EIF4E1B: variants seen among roughly 807,000 people sequenced by gnomAD.
The protein encoded by EIF4E1B is eukaryotic translation initiation factor 4E family member 1B, also known as eukaryotic translation initiation factor 4E type 1B.
Under a neutral mutation model 31.3 loss-of-function variants are expected in EIF4E1B, and 22 were observed. That is an observed-to-expected ratio of 0.70 (90% CI 0.50 to 1.00). The LOEUF (loss-of-function observed/expected upper bound fraction) is 1.00, where lower values mean the gene tolerates loss of function less well. EIF4E1B is among the 50% of genes least tolerant of loss of function. The probability of loss-of-function intolerance (pLI) is 0.00; values close to 1 mark genes in which losing one functional copy is unlikely to be tolerated. For missense variants in EIF4E1B, 290 were observed against 311.6 expected, an observed-to-expected ratio of 0.93 and a Z score of 0.52; for synonymous variants, 126 against 120.2, an observed-to-expected ratio of 1.05 and a Z score of -0.31.
rs756296646 is a variant in EIF4E1B, at chr5:176,642,851, T to TC, written c.15+63dup. Reference sequence around the variant, plus strand: ...CCCAGTGCACCATGGCCCCGCCCTCTCCCCCCCCCCCCCCGCCCCAGGTGG... The same window carrying TC: ...CCCAGTGCACCATGGCCCCGCCCTCTCCCCCCCCCCCCCCCGCCCCAGGTGG... On this transcript the variant is annotated intron_variant, in intron 3 of 8. Coordinates refer to ENST00000318682, the MANE Select transcript of EIF4E1B (RefSeq NM_001099408.2). 7.8e-4 allele frequency: 780 copies of TC among 999,752 alleles called. 12 individuals are homozygous for TC. The highest frequency in any genetic ancestry group is 5.3e-3 in the South Asian group (251 of 47,752). 61.9% of individuals were successfully genotyped at this position (999,752 alleles called of 1,614,324 possible). A position where few individuals can be genotyped will look rare whatever the true frequency, so the allele number is the denominator to read the frequency against.
Position 176,640,179 on chromosome 5 carries a change from G to A in EIF4E1B, c.-201-1864G>A, listed in dbSNP as rs1435253665. Among the ~76,000 whole-genome samples the A allele has an allele frequency of 2.0e-5, 3 of 152,282 alleles. No individual in the cohort carries two copies. In the East Asian group the frequency reaches 5.8e-4, roughly 29 times the overall value. On this transcript the variant is annotated intron_variant, in intron 1 of 8. Coordinates refer to ENST00000318682, the MANE Select transcript of EIF4E1B (RefSeq NM_001099408.2). The stretch of plus-strand genomic sequence containing the variant: ...CTTGCTCTGGGAACCCAGCCACCAC[G>A]CCGGGAAGAAGCCAAGCAGCCACAT...
intron 1 of EIF4E1B, among the ~76,000 whole-genome samples, chr5:176,641,297 C>T (rs1165597124): frequency 2.0e-5 from 3 of 152,122 alleles, no homozygotes; most frequent in African/African-American, 2.4e-5. Context: ...CACTGCACTC[C>T]CGCCTGGGCA....
At chr5:176,639,320 G>A (rs918892516) in intron 1 of EIF4E1B, among the ~76,000 whole-genome samples, 1 of 152,178 alleles carries the variant, frequency 6.6e-6, no homozygotes, top group Admixed American at 6.5e-5. Flanking sequence ...TGGTAGGGCT[G>A]GGATTTAAGA....
chr5:176,642,751 C>T lies in EIF4E1B; in HGVS notation c.-37C>T. On this transcript the variant is annotated 5_prime_UTR_variant, in exon 3 of 9. Transcript: ENST00000318682. ...TGTGGGGCTTGGTCACAGCTGCTTCCCCAGCCCCAGGCCTGCACGAAGAAG... is the reference window on the plus strand; with the variant it reads ...TGTGGGGCTTGGTCACAGCTGCTTCTCCAGCCCCAGGCCTGCACGAAGAAG... 6.4e-7 allele frequency: 1 copy of T among 1,557,956 alleles called. No individual in the cohort carries two copies. The highest frequency in any genetic ancestry group is 8.7e-7 in the Non-Finnish European group (1 of 1,150,826).
At chr5:176,643,538 G>C in intron 4 of EIF4E1B, 101 bp from the exon 5 acceptor site, 2 of 1,140,170 alleles carry the variant, frequency 1.8e-6, no homozygotes, top group Non-Finnish European at 2.5e-6. Flanking sequence ...TCATCTCCCA[G>C]TTCGCCCTTG....
Position 176,642,793 on chromosome 5 carries a change from T to C in EIF4E1B, c.6T>C (p.Leu2=), listed in dbSNP as rs1386336558. 6.4e-7 allele frequency: 1 copy of C among 1,563,602 alleles called. No individual in the cohort carries two copies. Among genetic ancestry groups the C allele is most frequent in the South Asian group, 1.2e-5 (1 of 84,478 alleles). The change falls in exon 3 of 9, where the codon CTT becomes CTC. Residue 2 remains leucine, a synonymous_variant. Transcript: ENST00000318682. ...ACGAAGAAGGCACTCACTAAATGCT[T>C]GCTGTTGAGGTAATCAGCCTGGCCT... M[L]AVEVSEAEGG...
rs549490787 is a variant in EIF4E1B, at chr5:176,637,011, C to T, written c.-201-5032C>T. 3.3e-5 allele frequency among the ~76,000 whole-genome samples: 5 copies of T among 152,330 alleles called. No homozygotes were observed. In the East Asian group the frequency reaches 5.8e-4, roughly 18 times the overall value. ...ACCACAAAAGACGCTTCCACTGTGC[C>T]GCTCTTGTAAAAGTCGTCAGCGACA... On this transcript the variant is annotated intron_variant, in intron 1 of 8. Coordinates refer to ENST00000318682, the MANE Select transcript of EIF4E1B (RefSeq NM_001099408.2).
In EIF4E1B at chr5:176,638,856, C is replaced by T. The variant is rs1311447197; in HGVS notation, c.-201-3187C>T. The stretch of plus-strand genomic sequence containing the variant: ...ATGGTGCGATCTCGGCTCACTGCAA[C>T]CTCTACCTCCCCAATTCAAGTGATT... On this transcript the variant is annotated intron_variant, in intron 1 of 8. Coordinates refer to ENST00000318682, the MANE Select transcript of EIF4E1B (RefSeq NM_001099408.2). The surrounding 1 kb of genome is among the most constrained non-coding windows in gnomAD (Gnocchi z 4.3). Among the ~76,000 whole-genome samples the T allele has an allele frequency of 2.0e-5, 3 of 152,182 alleles. No individual in the cohort carries two copies. Among genetic ancestry groups the T allele is most frequent in the Non-Finnish European group, 2.9e-5 (2 of 68,040 alleles).
intron 4 of EIF4E1B, 73 bp downstream of exon 4, chr5:176,643,339 G>A (rs1267217770): frequency 2.7e-6 from 4 of 1,481,552 alleles, no homozygotes; most frequent in Middle Eastern, 2.4e-4. Context: ...GCGTGGCCTT[G>A]GGCAACCCCG....
At chr5:176,632,517 A>G (rs1760423200) in intron 1 of EIF4E1B, among the ~76,000 whole-genome samples, 1 of 152,152 alleles carries the variant, frequency 6.6e-6, no homozygotes, top group African/African-American at 2.4e-5. Flanking sequence ...AGGCCTCCCA[A>G]AGTGCTGGGA....
intron 3 of EIF4E1B, 61 bp downstream of exon 3, chr5:176,642,863 C>CCCA: frequency 7.9e-7 from 1 of 1,264,032 alleles, no homozygotes. Context: ...CCCCCCCCCC[C>CCCA]CCGCCCCAGG....
At position 176,646,375 on chromosome 5, in the gene EIF4E1B, C is replaced by CA. The variant is rs1760712155; in HGVS notation, c.*396dup. ...TGGGTGGTGGGCTCAAGGGCACAGACATTCTGGAGGGTGAACGCCATCATT... is the reference window on the plus strand; with the variant it reads ...TGGGTGGTGGGCTCAAGGGCACAGACAATTCTGGAGGGTGAACGCCATCATT... On this transcript the variant is annotated 3_prime_UTR_variant, in exon 9 of 9. Transcript: ENST00000318682. The CA allele has an allele frequency of 1.0e-5, 2 of 190,504 alleles. No individual in the cohort carries two copies. Among genetic ancestry groups the CA allele is most frequent in the Non-Finnish European group, 2.2e-5 (2 of 89,770 alleles). The allele number at this position is 190,504 out of a possible 1,614,324, so 11.8% of individuals were successfully genotyped here. A position where few individuals can be genotyped will look rare whatever the true frequency, so the allele number is the denominator to read the frequency against.
chr5:176,637,600 C>T (rs556062047), intron 1 of EIF4E1B, among the ~76,000 whole-genome samples: 102 of 152,206 alleles, frequency 6.7e-4, no homozygotes, highest in Middle Eastern at 6.8e-3. Flanking sequence ...CAGTCACATA[C>T]GATGGGCAGG....
At position 176,642,733 on chromosome 5, in the gene EIF4E1B, C is replaced by T. The variant is rs1354824438; in HGVS notation, c.-55C>T. On this transcript the variant is annotated 5_prime_UTR_variant, in exon 3 of 9. Transcript: ENST00000318682. Reference sequence around the variant, plus strand: ...AGGTCTTGGCCCCCATGGTGTGGGGCTTGGTCACAGCTGCTTCCCCAGCCC... The same window carrying T: ...AGGTCTTGGCCCCCATGGTGTGGGGTTTGGTCACAGCTGCTTCCCCAGCCC... The T allele has an allele frequency of 5.2e-6, 8 of 1,553,092 alleles. No individual in the cohort carries two copies. Among genetic ancestry groups the T allele is most frequent in the East Asian group, 4.9e-5 (2 of 41,014 alleles).
intron 6 of EIF4E1B, 104 bp downstream of exon 6, chr5:176,644,543 G>A (rs907759904): frequency 2.5e-6 from 3 of 1,221,336 alleles, no homozygotes; most frequent in Non-Finnish European, 3.4e-6. Flanking sequence ...GGGGAGCTAC[G>A]GGCCACCTCT....
chr5:176,645,622 C>A lies in EIF4E1B; in HGVS notation c.614+106C>A. ...GGAGACCTCTGAAAGTCTCCATAGC[C>A]TCCCTCCCTTCTGCCTTGCCCACCT... On this transcript the variant is annotated intron_variant, in intron 8 of 8. Transcript: ENST00000318682. This position sits in a 1 kb window ranked among gnomAD's most constrained non-coding sequence, Gnocchi z 5.4. 1 of 1,400,300 alleles carries A rather than the reference C, an allele frequency of 7.1e-7. No individual in the cohort carries two copies. 86.7% of individuals were successfully genotyped at this position (1,400,300 alleles called of 1,614,324 possible). A position where few individuals can be genotyped will look rare whatever the true frequency, so the allele number is the denominator to read the frequency against.
chr5:176,634,239 G>A (rs141437598), intron 1 of EIF4E1B, among the ~76,000 whole-genome samples: 33 of 152,262 alleles, frequency 2.2e-4, no homozygotes, highest in Admixed American at 7.2e-4. Flanking sequence ...TGAGCCCAGA[G>A]CTCAGGAAAG....
intron 5 of EIF4E1B, chr5:176,644,028 A>AG (rs1760646062): frequency 1.8e-6 from 1 of 553,964 alleles, no homozygotes. Flanking sequence ...TCAGCTGCAA[A>AG]GGGAGGACTC....
At chr5:176,633,465 G>C (rs924387360) in intron 1 of EIF4E1B, among the ~76,000 whole-genome samples, 2 of 152,068 alleles carry the variant, frequency 1.3e-5, no homozygotes, top group Non-Finnish European at 2.9e-5. Context: ...CAGGGTATTT[G>C]TTTGTGATTT....
Sources: allele counts gnomAD v4.1 joint callset (sites outside exome capture counted in the v4.1 genomes callset), GRCh38; gene constraint gnomAD v4.1.1; non-coding constraint Gnocchi (gnomAD v3.1); transcripts MANE v1.5; gene names NCBI Gene and HGNC (gene_info 2026-07-23, HGNC 2026-07-21).